The following CUX2 variants were observed in gnomAD, a reference collection of about 807,000 sequenced individuals.
CUX2 encodes homeobox protein cut-like 2.
In CUX2, 40 loss-of-function variants were observed where a neutral mutation model predicts 144.8. The observed-to-expected ratio is 0.28, with a 90% CI of 0.21 to 0.36. CUX2 has a LOEUF of 0.36. Ranked by LOEUF, CUX2 falls within the 10% of genes least tolerant of loss-of-function variation. The pLI, the probability that CUX2 is intolerant of heterozygous loss-of-function variation, is 1.00. For missense variants in CUX2, 1,615 were observed against 1,994.0 expected, an observed-to-expected ratio of 0.81 and a Z score of 3.62; for synonymous variants, 827 against 875.6, an observed-to-expected ratio of 0.94 and a Z score of 0.98.
intron 4 of CUX2, among the ~76,000 whole-genome samples, chr12:111,284,700 G>C (rs932170101): frequency 6.6e-5 from 10 of 152,188 alleles, no homozygotes; most frequent in African/African-American, 2.4e-4. Flanking sequence ...AGATGGCTCT[G>C]CCTACAGAGC....
At position 111,074,751 on chromosome 12, in the gene CUX2, G is replaced by A. The variant is rs79030016; in HGVS notation, c.63+40511G>A. On this transcript the variant is annotated intron_variant, in intron 1 of 21. Coordinates refer to ENST00000261726, the MANE Select transcript of CUX2 (RefSeq NM_015267.4). ...GCCTGTCATGAGGAAAACAGGCAGC[G>A]GGTAAACAGCAGACGGCGGCAGGGC... is the stretch of plus-strand genomic sequence containing the variant. 9.1e-3 allele frequency among the ~76,000 whole-genome samples: 1,383 copies of A among 152,160 alleles called. 42 individuals carry two copies. The highest frequency in any genetic ancestry group is 0.032 in the African/African-American group (1,319 of 41,416).
chr12:111,184,298 G>A (rs1879372587), intron 1 of CUX2, among the ~76,000 whole-genome samples: 1 of 152,114 alleles, frequency 6.6e-6, no homozygotes, highest in Non-Finnish European at 1.5e-5. Context: ...GTATCCATGA[G>A]TCGGGGATTG....
chr12:111,163,178 ATTG>A (rs1215826679), intron 1 of CUX2, among the ~76,000 whole-genome samples: 10 of 152,282 alleles, frequency 6.6e-5, no homozygotes, highest in South Asian at 4.1e-4. Flanking sequence ...ACCTCATAGA[ATTG>A]TTGTAAGAAG....
chr12:111,254,465 C>A (rs144356486), intron 3 of CUX2, among the ~76,000 whole-genome samples: 59 of 152,280 alleles, frequency 3.9e-4, no homozygotes, highest in Middle Eastern at 3.4e-3. Flanking sequence ...GGAGAGGGGG[C>A]CTCAGAGCTC....
intron 1 of CUX2, among the ~76,000 whole-genome samples, chr12:111,185,174 A>G (rs916251468): frequency 3.3e-5 from 5 of 152,260 alleles, no homozygotes; most frequent in African/African-American, 1.2e-4. Context: ...TATCTTTAGA[A>G]GAACACAGAA....
chr12:111,328,974 T>TCC (rs1454171974), intron 18 of CUX2, among the ~76,000 whole-genome samples: 14 of 65,358 alleles, frequency 2.1e-4, no homozygotes, highest in Non-Finnish European at 2.8e-4. Flanking sequence ...TCTCTCTCTC[T>TCC]CCCCCTCTCT....
chr12:111,190,265 C>T lies in CUX2; in HGVS notation c.64-23935C>T, dbSNP rs556142450. Among the ~76,000 whole-genome samples the T allele has an allele frequency of 3.0e-4, 46 of 152,210 alleles. No homozygotes were observed. The highest frequency in any genetic ancestry group is 5.2e-4 in the Admixed American group (8 of 15,288). Reference sequence around the variant, plus strand: ...CTCTCTCTCTGTGGCCTTGCCTTTGCGCTTTTATTGCACTTGTTCTTTTTA... The same window carrying T: ...CTCTCTCTCTGTGGCCTTGCCTTTGTGCTTTTATTGCACTTGTTCTTTTTA... On this transcript the variant is annotated intron_variant, in intron 1 of 21. Transcript: ENST00000261726. The surrounding 1 kb of genome is among the most constrained non-coding windows in gnomAD (Gnocchi z 4.0).
intron 1 of CUX2, among the ~76,000 whole-genome samples, chr12:111,123,663 G>A (rs1260279228): frequency 6.6e-6 from 1 of 152,008 alleles, no homozygotes; most frequent in East Asian, 1.9e-4. Flanking sequence ...CACCTCCTGA[G>A]TAACTGAGAC....
Position 111,334,601 on chromosome 12 carries a change from A to G in CUX2, c.3087A>G (p.Ser1029=), listed in dbSNP as rs1438413014. Residue 1029 remains serine (S), a synonymous_variant, in exon 19 of 22, where the codon TCA becomes TCG. Coordinates refer to ENST00000261726, the MANE Select transcript of CUX2 (RefSeq NM_015267.4). ...SSSSLSGKMY[S]GSQAPGGIQE... Reference sequence around the variant, plus strand: ...CCTCGTTGAGCGGGAAGATGTACTCAGGCAGCCAGGCCCCAGGGGGCATCC... The same window carrying G: ...CCTCGTTGAGCGGGAAGATGTACTCGGGCAGCCAGGCCCCAGGGGGCATCC... The G allele has an allele frequency of 6.2e-6, 10 of 1,613,936 alleles. No homozygotes were observed. The highest frequency in any genetic ancestry group is 7.6e-6 in the Non-Finnish European group (9 of 1,180,046).
At chr12:111,288,160 A>T (rs2074303890) in intron 4 of CUX2, among the ~76,000 whole-genome samples, 1 of 152,150 alleles carries the variant, frequency 6.6e-6, no homozygotes, top group Admixed American at 6.5e-5. Flanking sequence ...GTAAGTGTTT[A>T]CTAGCTGAAA....
chr12:111,277,896 C>A lies in CUX2; in HGVS notation c.302-13522C>A, dbSNP rs1188380091. Among the ~76,000 whole-genome samples, 5 of 152,210 alleles carry A rather than the reference C, an allele frequency of 3.3e-5. No individual in the cohort carries two copies. The highest frequency in any genetic ancestry group is 7.3e-5 in the Non-Finnish European group (5 of 68,036). ...GAACAGAAGTCCAAGATGGGTCTCA[C>A]TGGGCAACAATCAAAGCATTCGCAG... On this transcript the variant is annotated intron_variant, in intron 4 of 21. Transcript: ENST00000261726. The surrounding 1 kb of genome is among the most constrained non-coding windows in gnomAD (Gnocchi z 5.0).
chr12:111,221,802 T>G (rs989146499), intron 3 of CUX2, among the ~76,000 whole-genome samples: 3 of 151,664 alleles, frequency 2.0e-5, no homozygotes, highest in African/African-American at 7.3e-5. Context: ...GTGTGTGTGT[T>G]TGTGTGTGTG....
intron 18 of CUX2, among the ~76,000 whole-genome samples, chr12:111,329,728 C>A (rs1888005982): frequency 1.3e-5 from 2 of 152,162 alleles, no homozygotes. Flanking sequence ...CTCTGCCTCC[C>A]AGGTTCAACC....
intron 16 of CUX2, among the ~76,000 whole-genome samples, chr12:111,313,483 T>C (rs146739070): frequency 8.8e-5 from 13 of 147,462 alleles, no homozygotes; most frequent in Non-Finnish European, 1.2e-4. Flanking sequence ...CTACTAAACA[T>C]ACAAAAAAAT....
At chr12:111,132,024 G>A (rs1443205904) in intron 1 of CUX2, among the ~76,000 whole-genome samples, 1 of 152,182 alleles carries the variant, frequency 6.6e-6, no homozygotes, top group African/African-American at 2.4e-5. Flanking sequence ...TTTCCCTTTT[G>A]TACTGCCCTA....
At position 111,312,057 on chromosome 12, in the gene CUX2, C is replaced by T; in HGVS notation, c.1901-43C>T. The T allele has an allele frequency of 6.4e-7, 1 of 1,567,812 alleles. No individual in the cohort carries two copies. Among genetic ancestry groups the T allele is most frequent in the Non-Finnish European group, 8.7e-7 (1 of 1,144,854 alleles). ...CCCCACCAGGCTCCGGAGACTGAGC[C>T]CAACATGCAGATCCTGCCACAGATG... On this transcript the variant is annotated intron_variant, in intron 15 of 21. Coordinates refer to ENST00000261726, the MANE Select transcript of CUX2 (RefSeq NM_015267.4). This position sits in a 1 kb window ranked among gnomAD's most constrained non-coding sequence, Gnocchi z 4.3.
chr12:111,258,918 G>A (rs1883968896), intron 3 of CUX2, among the ~76,000 whole-genome samples: 1 of 152,112 alleles, frequency 6.6e-6, no homozygotes, highest in Non-Finnish European at 1.5e-5. Context: ...CTAGAGTGCA[G>A]TGACACAAGT....
chr12:111,264,098 T>C (rs527778643), intron 4 of CUX2, among the ~76,000 whole-genome samples: 1 of 152,164 alleles, frequency 6.6e-6, no homozygotes, highest in Admixed American at 6.5e-5. Flanking sequence ...ATATCCCACC[T>C]GGACCTACTT....
At chr12:111,066,789 C>T (rs554657627) in intron 1 of CUX2, among the ~76,000 whole-genome samples, 178 of 152,314 alleles carry the variant, frequency 1.2e-3, no homozygotes, top group Non-Finnish European at 2.0e-3. Flanking sequence ...GTTCAACTCC[C>T]AGCTCTGCCT....
Sources: gnomAD v4.1 joint callset for allele counts (sites outside exome capture counted in the v4.1 genomes callset) on GRCh38, gnomAD v4.1.1 for gene constraint, Gnocchi (gnomAD v3.1) non-coding constraint, MANE v1.5 for transcripts, NCBI Gene and HGNC (gene_info 2026-07-23, HGNC 2026-07-21) for gene names.